ARHGAP26: variants seen among roughly 807,000 people sequenced by gnomAD.
ARHGAP26 encodes the protein rho GTPase-activating protein 26.
ARHGAP26 carries 38 observed loss-of-function variants against 104.8 expected under a neutral mutation model. The ratio of observed to expected loss-of-function variants is 0.36; its 90% confidence interval spans 0.28 to 0.48. The LOEUF (loss-of-function observed/expected upper bound fraction) is 0.48. Ranked by LOEUF, ARHGAP26 falls within the 20% of genes least tolerant of loss-of-function variation. The probability of loss-of-function intolerance (pLI) is 0.99; values close to 1 mark genes in which losing one functional copy is unlikely to be tolerated. For synonymous variants in ARHGAP26, 341 were observed against 340.0 expected (o/e 1.00, Z -0.03); for missense variants, 704 against 947.9 (o/e 0.74, Z 3.38).
chr5:142,912,641 G>A (rs139091419), intron 9 of ARHGAP26, among the ~76,000 whole-genome samples: 21 of 152,322 alleles, frequency 1.4e-4, no homozygotes, highest in Non-Finnish European at 2.6e-4. Context: ...GGAGACAAAA[G>A]TAAGCAAAAT....
At chr5:143,159,577 T>C (rs1562527041) in intron 20 of ARHGAP26, among the ~76,000 whole-genome samples, 1 of 152,146 alleles carries the variant, frequency 6.6e-6, no homozygotes, top group Non-Finnish European at 1.5e-5. Flanking sequence ...GAGCCTAAAA[T>C]AAAAATTACC....
At chr5:143,100,137 A>G (rs1267171847) in intron 17 of ARHGAP26, among the ~76,000 whole-genome samples, 2 of 152,242 alleles carry the variant, frequency 1.3e-5, no homozygotes, top group Non-Finnish European at 2.9e-5. Context: ...AGACTAGAGC[A>G]AATGGGAAGA....
rs1328508142 is a variant in ARHGAP26, at chr5:142,879,387, G to A, written c.326G>A (p.Ser109Asn). 1 of 1,614,118 alleles carries A rather than the reference G, an allele frequency of 6.2e-7. No individual in the cohort carries two copies. The highest frequency in any genetic ancestry group is 1.1e-5 in the South Asian group (1 of 91,078). The change falls in exon 4 of 23, where the codon AGC becomes AAC. Residue 109 changes from serine to asparagine, a missense_variant. By Grantham distance (46) the Ser-to-Asn change is conservative (BLOSUM62 1). This residue lies in a region of ARHGAP26 where 106 missense variants were observed against 120.5 expected (regional missense o/e 0.88). Coordinates refer to ENST00000645722, the MANE Select transcript of ARHGAP26 (RefSeq NM_001135608.3). Reference sequence around the variant, plus strand: ...GTTCTTCACCAGATTGAGAATGCCAGCGAGGTGCTCATCACTCCCTTGGAG... The same window carrying A: ...GTTCTTCACCAGATTGAGAATGCCAACGAGGTGCTCATCACTCCCTTGGAG... ...DERIRMIENASEVLITPLEKF... is the reference protein window; with the variant it reads ...DERIRMIENANEVLITPLEKF...
At chr5:142,898,493 T>A (rs1759802639) in intron 6 of ARHGAP26, among the ~76,000 whole-genome samples, 1 of 152,210 alleles carries the variant, frequency 6.6e-6, no homozygotes, top group Admixed American at 6.5e-5. Context: ...CTTCCTCTCC[T>A]TTCCCTCTGC....
chr5:143,207,226 CT>C lies in ARHGAP26; in HGVS notation c.2018del (p.Leu673ProfsTer72). On this transcript the variant is annotated frameshift_variant, in exon 21 of 23. Coordinates refer to ENST00000645722, the MANE Select transcript of ARHGAP26 (RefSeq NM_001135608.3). LOFTEE classifies it high-confidence loss of function. ...LPPNPSPTSP[L>X]SPSWPMFSAP... is the part of the protein sequence containing the mutation. ...CCCGAATCCAAGCCCAACTTCACCC[CT>C]CTCGCCATCTTGGCCCATGTTCTCG... The C allele has an allele frequency of 6.2e-7, 1 of 1,614,126 alleles. No homozygotes were observed. The highest frequency in any genetic ancestry group is 8.5e-7 in the Non-Finnish European group (1 of 1,180,016).
At position 142,826,128 on chromosome 5, in the gene ARHGAP26, A is replaced by T. The variant is rs180708650; in HGVS notation, c.155-47272A>T. On this transcript the variant is annotated intron_variant, in intron 1 of 22. Transcript: ENST00000645722. ...CCAGTCAGACAGTGTTGAATCTGGG[A>T]ATTATTTTTCAAGGAGGGGGATATG... Among the ~76,000 whole-genome samples, 4 of 152,296 alleles carry T rather than the reference A, an allele frequency of 2.6e-5. No homozygotes were observed. The East Asian group carries it at 7.7e-4, about 29-fold the overall frequency.
chr5:143,213,213 A>G (rs572583891), intron 21 of ARHGAP26, among the ~76,000 whole-genome samples: 2 of 152,310 alleles, frequency 1.3e-5, no homozygotes, highest in Admixed American at 6.5e-5. Flanking sequence ...AGACATCTGC[A>G]TTTTCTAAAT....
chr5:142,866,407 A>G (rs1346059647), intron 1 of ARHGAP26, among the ~76,000 whole-genome samples: 4 of 152,180 alleles, frequency 2.6e-5, no homozygotes, highest in East Asian at 1.9e-4. Context: ...TCCCATCTGC[A>G]AAATGGAGGT....
intron 4 of ARHGAP26, among the ~76,000 whole-genome samples, chr5:142,882,525 A>G (rs1315800904): frequency 6.6e-6 from 1 of 152,266 alleles, no homozygotes; most frequent in East Asian, 1.9e-4. Flanking sequence ...GGTGAAAGAC[A>G]TCAGACAAAA....
chr5:142,878,376 A>T (rs902420488), intron 3 of ARHGAP26, among the ~76,000 whole-genome samples: 1 of 152,248 alleles, frequency 6.6e-6, no homozygotes, highest in South Asian at 2.1e-4. Flanking sequence ...TGTTTTGCCC[A>T]TGGTCACACA....
chr5:143,168,768 T>C (rs561823890), intron 20 of ARHGAP26: 18 of 152,146 alleles, frequency 1.2e-4, no homozygotes, highest in African/African-American at 4.1e-4. Context: ...TCAGAAACAA[T>C]CAGGATAGAC....
chr5:143,209,268 C>G (rs1330256268), intron 21 of ARHGAP26, among the ~76,000 whole-genome samples: 2 of 152,168 alleles, frequency 1.3e-5, no homozygotes, highest in Non-Finnish European at 2.9e-5. Context: ...TCTACCTCTT[C>G]ACTCGTTTTC....
intron 1 of ARHGAP26, among the ~76,000 whole-genome samples, chr5:142,833,015 G>A (rs1380498548): frequency 6.6e-6 from 1 of 151,960 alleles, no homozygotes; most frequent in East Asian, 1.9e-4. Context: ...AAAGCAGTAG[G>A]ATGAAATACA....
At chr5:143,113,123 A>C (rs1264619929) in intron 17 of ARHGAP26, among the ~76,000 whole-genome samples, 1 of 152,240 alleles carries the variant, frequency 6.6e-6, no homozygotes, top group Non-Finnish European at 1.5e-5. Context: ...GAATTAGAGA[A>C]GATGAGTGGA....
chr5:142,845,383 G>A (rs1771725136), intron 1 of ARHGAP26, among the ~76,000 whole-genome samples: 1 of 152,182 alleles, frequency 6.6e-6, no homozygotes, highest in Admixed American at 6.5e-5. Flanking sequence ...GTTAAGAATA[G>A]CAAATGTCCA....
intron 17 of ARHGAP26, among the ~76,000 whole-genome samples, chr5:143,067,328 G>C (rs1231186645): frequency 1.3e-5 from 2 of 152,044 alleles, no homozygotes; most frequent in African/African-American, 4.8e-5. Flanking sequence ...CGGCCCTCTT[G>C]ACCTTCCAGT....
chr5:142,959,330 A>G (rs140252097), intron 11 of ARHGAP26, among the ~76,000 whole-genome samples: 2 of 152,258 alleles, frequency 1.3e-5, no homozygotes, highest in African/African-American at 2.4e-5. Flanking sequence ...GCTTAAAACA[A>G]CCTCCATTTA....
At chr5:143,141,940 TTC>T (rs1350369153) in intron 19 of ARHGAP26, among the ~76,000 whole-genome samples, 1 of 152,156 alleles carries the variant, frequency 6.6e-6, no homozygotes, top group African/African-American at 2.4e-5. Flanking sequence ...GACTTCCCCA[TTC>T]TCTCATGAAA....
intron 20 of ARHGAP26, among the ~76,000 whole-genome samples, chr5:143,148,801 T>A (rs951387207): frequency 6.6e-6 from 1 of 152,236 alleles, no homozygotes; most frequent in South Asian, 2.1e-4. Context: ...CTTGTTTTTT[T>A]CTTCAGTTGG....
Sources: allele counts gnomAD v4.1 joint callset (sites outside exome capture counted in the v4.1 genomes callset), GRCh38; gene constraint gnomAD v4.1.1; regional missense constraint gnomAD v4.1.1; transcripts MANE v1.5; gene names NCBI Gene and HGNC (gene_info 2026-07-23, HGNC 2026-07-21).